PER3: variants seen among roughly 807,000 people sequenced by gnomAD.
PER3 encodes the protein period circadian regulator 3.
PER3 carries 107 observed loss-of-function variants against 127.2 expected under a neutral mutation model. That is an observed-to-expected ratio of 0.84 (90% CI 0.72 to 0.99). PER3 has a LOEUF of 0.99. Among genes scored for constraint, PER3 ranks in the 50% least tolerant of loss-of-function variants. The pLI is 0.00. For synonymous variants in PER3, 618 were observed against 585.8 expected, an observed-to-expected ratio of 1.05 and a Z score of -0.79; for missense variants, 1,560 against 1,525.8, an observed-to-expected ratio of 1.02 and a Z score of -0.37.
intron 11 of PER3, among the ~76,000 whole-genome samples, chr1:7,809,430 T>G (rs2097209444): frequency 6.6e-6 from 1 of 152,176 alleles, no homozygotes; most frequent in African/African-American, 2.4e-5. Flanking sequence ...AGAGATTCAA[T>G]GAATAAGTGG....
intron 6 of PER3, among the ~76,000 whole-genome samples, chr1:7,795,968 T>C (rs1226686692): frequency 6.6e-6 from 1 of 152,178 alleles, no homozygotes; most frequent in Non-Finnish European, 1.5e-5. Flanking sequence ...TATTTCAGAA[T>C]GTCATTCTAA....
chr1:7,803,159 G>GA lies in PER3; in HGVS notation c.979+7dup. The GA allele has an allele frequency of 6.7e-7, 1 of 1,496,698 alleles. No individual in the cohort carries two copies. Among genetic ancestry groups the GA allele is most frequent in the Non-Finnish European group, 9.3e-7 (1 of 1,072,938 alleles). The allele number at this position is 1,496,698 out of a possible 1,614,324, so 92.7% of individuals were successfully genotyped here. A position where few individuals can be genotyped will look rare whatever the true frequency, so the allele number is the denominator to read the frequency against. On this transcript the variant is annotated splice_region_variant and intron_variant, in intron 9 of 21. Transcript: ENST00000377532. ...GGTTGCCATACACCAAAAAGGTCAG[G>GA]ACCTACTCCTTTATAGGAGGAAATA...
At chr1:7,834,999 G>A (rs912402270) in intron 19 of PER3, among the ~76,000 whole-genome samples, 9 of 152,144 alleles carry the variant, frequency 5.9e-5, no homozygotes, top group African/African-American at 1.2e-4. Context: ...GGAAGGTGAG[G>A]AGGGGGTACA....
intron 12 of PER3, 26 bp downstream of exon 12, chr1:7,810,047 A>T: frequency 6.2e-7 from 1 of 1,601,224 alleles, no homozygotes; most frequent in Non-Finnish European, 8.5e-7. Context: ...TCACATTCTT[A>T]TACAGGCATC....
rs1003686349 is a variant in PER3 at position 7,793,850 on chromosome 1, T to C, written c.593-107T>C. ...GGGTTCTATTTTAATCAAGGAGACCTCTCTCTCTTTTAAAAAATAGTTTGT... is the reference window on the plus strand; with the variant it reads ...GGGTTCTATTTTAATCAAGGAGACCCCTCTCTCTTTTAAAAAATAGTTTGT... On this transcript the variant is annotated intron_variant, in intron 5 of 21. Coordinates refer to ENST00000377532, the MANE Select transcript of PER3 (RefSeq NM_001377275.1). 14 of 925,610 alleles carry C rather than the reference T, an allele frequency of 1.5e-5. No individual in the cohort carries two copies. In the African/African-American group the frequency reaches 1.6e-4, roughly 11 times the overall value. 57.3% of individuals were successfully genotyped at this position (925,610 alleles called of 1,614,324 possible).
intron 5 of PER3, 53 bp from the exon 6 acceptor site, chr1:7,793,904 C>G (rs966538044): frequency 1.4e-6 from 2 of 1,462,914 alleles, no homozygotes; most frequent in Admixed American, 3.4e-5. Context: ...CATTGTTTCA[C>G]TGAGAAAGAC....
Position 7,820,644 on chromosome 1 carries a change from C to A in PER3, c.1957+4C>A, listed in dbSNP as rs939368571. The A allele has an allele frequency of 6.9e-6, 11 of 1,595,696 alleles. No homozygotes were observed. The highest frequency in any genetic ancestry group is 8.5e-6 in the Non-Finnish European group (10 of 1,170,620). On this transcript the variant is annotated splice_donor_region_variant and intron_variant, in intron 16 of 21. Transcript: ENST00000377532. Reference sequence around the variant, plus strand: ...CATGTCCCACCCCCAGAGACAGGTACCACACTCGCCTCTTACTTTGAAAAT... The same window carrying A: ...CATGTCCCACCCCCAGAGACAGGTAACACACTCGCCTCTTACTTTGAAAAT...
In PER3 at chr1:7,823,043, A is replaced by G. The variant is rs536796107; in HGVS notation, c.1957+2403A>G. On this transcript the variant is annotated intron_variant, in intron 16 of 21. Transcript: ENST00000377532. ...AGTTCTGATCACATTACTGTACTCCAGCTGAGGGACAGAGCAAGACCCTGT... is the reference window on the plus strand; with the variant it reads ...AGTTCTGATCACATTACTGTACTCCGGCTGAGGGACAGAGCAAGACCCTGT... Among the ~76,000 whole-genome samples, 14 of 152,354 alleles carry G rather than the reference A, an allele frequency of 9.2e-5. No homozygotes were observed. In the East Asian group the frequency reaches 2.7e-3, roughly 29 times the overall value.
At chr1:7,791,403 A>C (rs1166124882) in intron 5 of PER3, among the ~76,000 whole-genome samples, 2 of 152,252 alleles carry the variant, frequency 1.3e-5, no homozygotes, top group Non-Finnish European at 2.9e-5. Context: ...GAGGTGAAGC[A>C]GCTGGAATGG....
rs1205511562 is a variant in PER3, at chr1:7,836,999, G to T, written c.3399G>T (p.Arg1133Ser). Residue 1133 changes from arginine (R) to serine (S), a missense_variant and splice_region_variant, in exon 21 of 22, where the codon AGG becomes AGT. By Grantham distance (110) the Arg-to-Ser change is moderately radical (BLOSUM62 -1). Transcript: ENST00000377532. ...TAAGATTCTGTTTGTTTGTTTTCAG[G>T]GTTAAAGAAGTTGTACTAAAAGAAG... ...RILMTYQVPE[R>S]VKEVVLKEDL... 16 of 1,611,492 alleles carry T rather than the reference G, an allele frequency of 9.9e-6. No homozygotes were observed. The highest frequency in any genetic ancestry group is 1.3e-5 in the Non-Finnish European group (15 of 1,178,722).
intron 6 of PER3, among the ~76,000 whole-genome samples, chr1:7,797,160 A>G (rs995372538): frequency 2.0e-5 from 3 of 152,230 alleles, no homozygotes; most frequent in Admixed American, 6.5e-5. Flanking sequence ...TGGAAAATGC[A>G]TTCGTGGATG....
chr1:7,817,489 G>T (rs767960298), intron 13 of PER3, among the ~76,000 whole-genome samples: 21 of 152,340 alleles, frequency 1.4e-4, no homozygotes, highest in African/African-American at 2.4e-4. Flanking sequence ...ACGCAAGTTG[G>T]TGTATTCGTT....
In PER3 at chr1:7,835,842, G is replaced by T. The variant is rs202098731; in HGVS notation, c.3295G>T (p.Val1099Leu). 4.3e-6 allele frequency: 7 copies of T among 1,611,066 alleles called. No individual in the cohort carries two copies. Among genetic ancestry groups the T allele is most frequent in the Non-Finnish European group, 5.9e-6 (7 of 1,177,424 alleles). The change falls in exon 20 of 22, where the codon GTA (valine) becomes TTA (leucine). Residue 1099 changes from valine to leucine, a missense_variant. By Grantham distance (32) the Val-to-Leu change is conservative. Coordinates refer to ENST00000377532, the MANE Select transcript of PER3 (RefSeq NM_001377275.1). ...CCAAAATGGGCAGCAATCTCAGGAC[G>T]TACAGAAAAAAGAAACATTTCCTAA... ...ISQNGQQSQD[V>L]QKKETFPNVA... is the part of the protein sequence containing the mutation.
intron 10 of PER3, 126 bp downstream of exon 10, chr1:7,803,974 C>G (rs2097181796): frequency 1.4e-6 from 1 of 729,662 alleles, no homozygotes; most frequent in African/African-American, 1.8e-5. Flanking sequence ...GTTTTCGGTG[C>G]TTTGGGGAGA....
At chr1:7,829,564 C>G (rs940498888) in intron 18 of PER3, among the ~76,000 whole-genome samples, 1 of 152,160 alleles carries the variant, frequency 6.6e-6, no homozygotes, top group African/African-American at 2.4e-5. Flanking sequence ...ACCAAGACGG[C>G]TACTGAGTGT....
chr1:7,795,474 T>C (rs1057106778), intron 6 of PER3, among the ~76,000 whole-genome samples: 1 of 152,158 alleles, frequency 6.6e-6, no homozygotes, highest in Non-Finnish European at 1.5e-5. Flanking sequence ...GGAAGTCTAA[T>C]TGGAAACAGC....
intron 13 of PER3, among the ~76,000 whole-genome samples, chr1:7,813,983 G>A (rs2172563): frequency 0.2 from 30,232 of 152,184 alleles, 3,199 homozygotes; most frequent in South Asian, 0.27. Context: ...TAATCACAGC[G>A]TAGAGATGGG....
chr1:7,829,092 C>T (rs228700), intron 18 of PER3, among the ~76,000 whole-genome samples: 147,164 of 152,296 alleles, frequency 0.97, 71,123 homozygotes, highest in East Asian at 1. Context: ...CTGTTTAACA[C>T]ACGAAGTTGA....
rs373305861 is a variant in PER3 at position 7,788,016 on chromosome 1, T to C, written c.391-29T>C. 181 of 1,498,846 alleles carry C rather than the reference T, an allele frequency of 1.2e-4. 1 individual carries two copies. Among genetic ancestry groups the C allele is most frequent in the Admixed American group, 3.8e-4 (23 of 59,760 alleles). The allele number at this position is 1,498,846 out of a possible 1,614,324, so 92.8% of individuals were successfully genotyped here. A position where few individuals can be genotyped will look rare whatever the true frequency, so the allele number is the denominator to read the frequency against. On this transcript the variant is annotated intron_variant, in intron 4 of 21. Transcript: ENST00000377532. ...AATATTGCTAGTGAGTATCTCAATA[T>C]TTGCATTTATTTTAAATGTTTTTCA...
Sources: allele counts gnomAD v4.1 joint callset (sites outside exome capture counted in the v4.1 genomes callset), GRCh38; gene constraint gnomAD v4.1.1; transcripts MANE v1.5; gene names NCBI Gene and HGNC (gene_info 2026-07-23, HGNC 2026-07-21).